Variants in CAPN8 observed in about 807,000 individuals in gnomAD.
CAPN8 encodes calpain-8.
CAPN8 carries 87 observed loss-of-function variants against 80.9 expected under a neutral mutation model. The observed-to-expected ratio is 1.07, with a 90% CI of 0.90 to 1.28. The LOEUF (loss-of-function observed/expected upper bound fraction) is 1.28. Among genes scored for constraint, CAPN8 ranks in the 50% most tolerant of loss-of-function variants. The pLI, the probability that CAPN8 is intolerant of heterozygous loss-of-function variation, is 0.00. For synonymous variants in CAPN8, 299 were observed against 273.8 expected (o/e 1.09, Z -0.91); for missense variants, 757 against 702.0 (o/e 1.08, Z -0.89).
chr1:223,643,815 G>A (rs182826832), intron 2 of CAPN8, among the ~76,000 whole-genome samples: 5 of 152,300 alleles, frequency 3.3e-5, no homozygotes, highest in Admixed American at 2.0e-4. Context: ...CATAATTCAG[G>A]CCCGGTGGGG....
At chr1:223,623,229 C>T (rs886352053) in intron 6 of CAPN8, among the ~76,000 whole-genome samples, 1 of 152,260 alleles carries the variant, frequency 6.6e-6, no homozygotes, top group Non-Finnish European at 1.5e-5. Flanking sequence ...TGATAATAAA[C>T]GCCCTCCAAA....
intron 1 of CAPN8, among the ~76,000 whole-genome samples, chr1:223,656,364 G>C (rs1488775271): frequency 6.6e-6 from 1 of 151,984 alleles, no homozygotes; most frequent in Admixed American, 6.5e-5. Context: ...AGCTACTCAG[G>C]AGGCTGAGGC....
chr1:223,557,294 G>A (rs1656926308), intron 13 of CAPN8, among the ~76,000 whole-genome samples: 1 of 152,412 alleles, frequency 6.6e-6, no homozygotes, highest in East Asian at 1.9e-4. Flanking sequence ...GGGTGTGTGT[G>A]TGTCTGCCCC....
chr1:223,663,644 C>T (rs1264997167), intron 1 of CAPN8, among the ~76,000 whole-genome samples: 2 of 152,180 alleles, frequency 1.3e-5, no homozygotes, highest in Admixed American at 1.3e-4. Flanking sequence ...TGAAATGTGG[C>T]TGTCTTGAAA....
intron 16 of CAPN8, among the ~76,000 whole-genome samples, chr1:223,547,208 C>T (rs34005690): frequency 1.3e-5 from 2 of 151,884 alleles, no homozygotes; most frequent in Non-Finnish European, 2.9e-5. Context: ...CCCTGCGCCC[C>T]GTCAATTTTT....
rs1656834595 is a variant in CAPN8, at chr1:223,553,166, G to A, written c.1641+666C>T. On this transcript the variant is annotated intron_variant, in intron 14 of 20. Coordinates refer to ENST00000366872, the MANE Select transcript of CAPN8 (RefSeq NM_001143962.2). Reference sequence around the variant, plus strand: ...TCCTCCAAAGAGTAACACATTCGCTGTATTTATGGGGCCGGTTTTGACATT... The same window carrying A: ...TCCTCCAAAGAGTAACACATTCGCTATATTTATGGGGCCGGTTTTGACATT... 3.9e-5 allele frequency among the ~76,000 whole-genome samples: 6 copies of A among 152,220 alleles called. 1 individual carries two copies. The South Asian group carries it at 1.0e-3, about 26-fold the overall frequency.
chr1:223,650,864 T>C (rs181081490), intron 2 of CAPN8, among the ~76,000 whole-genome samples: 32 of 152,170 alleles, frequency 2.1e-4, no homozygotes, highest in African/African-American at 7.2e-4. Context: ...TTGGACAAAG[T>C]CTATTTCAGT....
intron 13 of CAPN8, among the ~76,000 whole-genome samples, chr1:223,557,238 CAT>C (rs1411848523): frequency 2.3e-4 from 4 of 17,604 alleles, no homozygotes; most frequent in South Asian, 1.6e-3. Flanking sequence ...AAATTTGACA[CAT>C]GTCAAATCAC....
Position 223,543,094 on chromosome 1 carries a change from C to T in CAPN8, c.2088+14G>A, listed in dbSNP as rs1487767576. 1.3e-6 allele frequency: 2 copies of T among 1,551,606 alleles called. No individual in the cohort carries two copies. The highest frequency in any genetic ancestry group is 1.7e-6 in the Non-Finnish European group (2 of 1,146,926). On this transcript the variant is annotated intron_variant, in intron 20 of 20. Coordinates refer to ENST00000366872, the MANE Select transcript of CAPN8 (RefSeq NM_001143962.2). Reference sequence around the variant, plus strand: ...ACCATCAGCCAGCAATTCATCAAACCTCAGGACATTCACCTCGGCCAGAGA... The same window carrying T: ...ACCATCAGCCAGCAATTCATCAAACTTCAGGACATTCACCTCGGCCAGAGA...
Position 223,546,693 on chromosome 1 carries a change from G to T in CAPN8, c.1765-1394C>A, listed in dbSNP as rs148492838. On this transcript the variant is annotated intron_variant, in intron 16 of 20. Transcript: ENST00000366872. ...ATCCCATTTTCCAGGAGAAACTGAA[G>T]TTCAGAGCATTTAGTAACTTCCTCA... Among the ~76,000 whole-genome samples, 710 of 152,308 alleles carry T rather than the reference G, an allele frequency of 4.7e-3. 4 individuals carry two copies. Among genetic ancestry groups the T allele is most frequent in the African/African-American group, 0.016 (667 of 41,560 alleles).
intron 2 of CAPN8, among the ~76,000 whole-genome samples, chr1:223,652,555 A>G (rs745820235): frequency 1.4e-4 from 21 of 151,854 alleles, no homozygotes; most frequent in Non-Finnish European, 2.1e-4. Context: ...ATCTCTCACA[A>G]TTCACCCACT....
At chr1:223,541,905 GGTGT>G (rs1334828219) in intron 20 of CAPN8, 46 bp from the exon 21 acceptor site, 1 of 1,551,236 alleles carries the variant, frequency 6.4e-7, no homozygotes, top group Admixed American at 2.0e-5. Flanking sequence ...CTCAGGGGCT[GGTGT>G]GCTTTCACCA....
At chr1:223,661,355 T>G (rs960274075) in intron 1 of CAPN8, among the ~76,000 whole-genome samples, 3 of 151,588 alleles carry the variant, frequency 2.0e-5, no homozygotes, top group Non-Finnish European at 4.4e-5. Flanking sequence ...AATGGCTGAG[T>G]GCAGTGGCTC....
At position 223,662,848 on chromosome 1, in the gene CAPN8, C is replaced by T. The variant is rs554520054; in HGVS notation, c.237+2562G>A. ...TTTTCTCAGCATTCAATGCATGTTC[C>T]TCATAGAGATAGGATCAGAATCTTT... On this transcript the variant is annotated intron_variant, in intron 1 of 20. Transcript: ENST00000366872. Among the ~76,000 whole-genome samples, 4 of 152,230 alleles carry T rather than the reference C, an allele frequency of 2.6e-5. No individual in the cohort carries two copies. The East Asian group carries it at 7.7e-4, about 29-fold the overall frequency.
rs1657046142 is a variant in CAPN8 at position 223,612,224 on chromosome 1, ATC to A, written c.1323+20_1323+21del. On this transcript the variant is annotated intron_variant, in intron 11 of 20. Transcript: ENST00000366872. ...AAGCTATTTCTCACCAAAGGAAGGA[ATC>A]TCTGTCAGCACTCACATACCTCCTT... 2.4e-6 allele frequency: 3 copies of A among 1,234,186 alleles called. No homozygotes were observed. Among genetic ancestry groups the A allele is most frequent in the Non-Finnish European group, 2.0e-6 (2 of 988,032 alleles). The allele number at this position is 1,234,186 out of a possible 1,614,324, so 76.5% of individuals were successfully genotyped here.
chr1:223,549,516 G>A (rs897369388), intron 15 of CAPN8, 134 bp from the exon 16 acceptor site: 2 of 1,363,094 alleles, frequency 1.5e-6, no homozygotes, highest in South Asian at 1.3e-5. Flanking sequence ...CAAAAGGGGA[G>A]AGCATCATGG....
chr1:223,622,803 A>G lies in CAPN8; in HGVS notation c.899+12T>C, dbSNP rs778417802. 7.1e-6 allele frequency: 11 copies of G among 1,548,462 alleles called. No homozygotes were observed. The East Asian group carries it at 1.2e-4, about 17-fold the overall frequency. On this transcript the variant is annotated intron_variant, in intron 7 of 20. Coordinates refer to ENST00000366872, the MANE Select transcript of CAPN8 (RefSeq NM_001143962.2). Reference sequence around the variant, plus strand: ...GGAGAGATGACTGGAGAAGCGGGGGAAAAAAACCTACTCATCGCTCCAGGC... The same window carrying G: ...GGAGAGATGACTGGAGAAGCGGGGGGAAAAAACCTACTCATCGCTCCAGGC...
At chr1:223,662,406 G>A (rs1032072482) in intron 1 of CAPN8, among the ~76,000 whole-genome samples, 3 of 151,716 alleles carry the variant, frequency 2.0e-5, no homozygotes, top group African/African-American at 4.8e-5. Context: ...CCAAGATCGC[G>A]CCACTGCACT....
intron 13 of CAPN8, among the ~76,000 whole-genome samples, chr1:223,555,727 C>A (rs1315320813): frequency 1.3e-5 from 2 of 152,124 alleles, no homozygotes; most frequent in Non-Finnish European, 2.9e-5. Flanking sequence ...CACACACAGG[C>A]ACATAGCAGG....
Sources: gnomAD v4.1 joint callset for allele counts (sites outside exome capture counted in the v4.1 genomes callset) on GRCh38, gnomAD v4.1.1 for gene constraint, MANE v1.5 for transcripts, NCBI Gene and HGNC (gene_info 2026-07-23, HGNC 2026-07-21) for gene names.